Variants in EZH1 observed in about 807,000 individuals in gnomAD.
EZH1 encodes enhancer of zeste 1 polycomb repressive complex 2 subunit, also known as histone-lysine N-methyltransferase EZH1.
In EZH1, 33 loss-of-function variants were observed where a neutral mutation model predicts 100.5. That is an observed-to-expected ratio of 0.33 (90% CI 0.25 to 0.44). The LOEUF is 0.44. Ranked by LOEUF, EZH1 falls within the 20% of genes least tolerant of loss-of-function variation. EZH1 has a pLI of 1.00. For synonymous variants in EZH1, 272 were observed against 313.8 expected, an observed-to-expected ratio of 0.87 and a Z score of 1.41; for missense variants, 475 against 928.4, an observed-to-expected ratio of 0.51 and a Z score of 6.35.
chr17:42,708,930 G>C lies in EZH1; in HGVS notation c.1494-14C>G. 6.2e-7 allele frequency: 1 copy of C among 1,614,154 alleles called. No individual in the cohort carries two copies. Among genetic ancestry groups the C allele is most frequent in the Non-Finnish European group, 8.5e-7 (1 of 1,180,036 alleles). ...GCAGCCCACAATCTGAAAAAGACAG[G>C]AAGGACAGGTCTCAGTCACGGCCCT... is the stretch of plus-strand genomic sequence containing the variant. On this transcript the variant is annotated splice_polypyrimidine_tract_variant and intron_variant, in intron 13 of 20. Coordinates refer to ENST00000428826, the MANE Select transcript of EZH1 (RefSeq NM_001991.5).
Position 42,735,816 on chromosome 17 carries a change from T to C in EZH1, c.-102-4898A>G, listed in dbSNP as rs1017622782. On this transcript the variant is annotated intron_variant, in intron 1 of 20. Coordinates refer to ENST00000428826, the MANE Select transcript of EZH1 (RefSeq NM_001991.5). ...GCCTGACCAACATTGTGAAACCCCA[T>C]CTCTACTAAAAATACAAAATTAGCC... Among the ~76,000 whole-genome samples the C allele has an allele frequency of 2.6e-5, 4 of 152,044 alleles. No homozygotes were observed. The East Asian group carries it at 5.8e-4, about 22-fold the overall frequency.
chr17:42,710,034 C>A, intron 12 of EZH1, 97 bp from the exon 13 acceptor site: 1 of 1,004,022 alleles, frequency 1.0e-6, no homozygotes, highest in Admixed American at 1.8e-5. Flanking sequence ...CTGAGAAACT[C>A]AGGCAGCTGA....
chr17:42,716,444 T>G (rs1210761679), intron 10 of EZH1, among the ~76,000 whole-genome samples: 4 of 152,108 alleles, frequency 2.6e-5, no homozygotes, highest in Non-Finnish European at 5.9e-5. Flanking sequence ...TAGTAAACAG[T>G]TGGGGGAAAA....
Position 42,706,271 on chromosome 17 carries a change from A to T in EZH1, c.1661-86T>A. The T allele has an allele frequency of 1.6e-6, 2 of 1,274,950 alleles. No individual in the cohort carries two copies. Among genetic ancestry groups the T allele is most frequent in the Middle Eastern group, 2.1e-4 (1 of 4,756 alleles). 79.0% of individuals were successfully genotyped at this position (1,274,950 alleles called of 1,614,324 possible). A position where few individuals can be genotyped will look rare whatever the true frequency, so the allele number is the denominator to read the frequency against. On this transcript the variant is annotated intron_variant, in intron 15 of 20. Transcript: ENST00000428826. This position sits in a 1 kb window ranked among gnomAD's most constrained non-coding sequence, Gnocchi z 4.4. ...TGACTCAAGGGACAGCAAAGAAGTA[A>T]ATTTTTTGTGTTCAAGGATGTTTGG...
chr17:42,722,594 C>T (rs138786919), intron 6 of EZH1, among the ~76,000 whole-genome samples: 16 of 145,558 alleles, frequency 1.1e-4, no homozygotes, highest in African/African-American at 3.6e-4. Context: ...CACTGCACTC[C>T]AGCCTGGGCA....
chr17:42,722,133 A>T (rs1335702032), intron 6 of EZH1, among the ~76,000 whole-genome samples: 5 of 134,548 alleles, frequency 3.7e-5, no homozygotes, highest in African/African-American at 1.1e-4. Flanking sequence ...TGGGTGACAC[A>T]GCGAGACTCT....
chr17:42,720,413 A>G lies in EZH1; in HGVS notation c.524T>C (p.Val175Ala). ...CAGGGCATCGACCAACTCCAGAAAA[A>G]CAGCATCACTAATCAGAACGGATCC... The part of the protein sequence containing the change: ...IPGSVLISDA[V>A]FLELVDALNQ... Residue 175 changes from valine (V) to alanine (A), a missense_variant, in exon 7 of 21, where the codon GTT (valine) becomes GCT (alanine). Transcript: ENST00000428826. 6.2e-7 allele frequency: 1 copy of G among 1,613,796 alleles called. No individual in the cohort carries two copies. The highest frequency in any genetic ancestry group is 2.2e-5 in the East Asian group (1 of 44,868).
Position 42,702,544 on chromosome 17 carries a change from G to T in EZH1, c.2232C>A (p.Thr744=). Residue 744 remains threonine (T), a synonymous_variant, in exon 21 of 21, where the codon ACC becomes ACA. Transcript: ENST00000428826. ...GGGCCTGGGAGGGCTAAAGGACGTC[G>T]GTCTCCCTCTCGATCCCCACGTACT... ...ALKYVGIERE[T]DVL The T allele has an allele frequency of 1.3e-6, 2 of 1,564,028 alleles. No homozygotes were observed. The highest frequency in any genetic ancestry group is 1.7e-6 in the Non-Finnish European group (2 of 1,152,576).
In EZH1 at chr17:42,719,170, G is replaced by A; in HGVS notation, c.702C>T (p.Asp234=). ...TTGAGGCAATTGCACTGAAGATCAT[G>A]TCATTTGGGAACTGTTTCTTGGAAC... ...KKSSKKQFPN[D]MIFSAIASMF... Residue 234 remains aspartate (D), a synonymous_variant, in exon 8 of 21, where the codon GAC becomes GAT. Transcript: ENST00000428826. 1 of 1,613,996 alleles carries A rather than the reference G, an allele frequency of 6.2e-7. No individual in the cohort carries two copies. Among genetic ancestry groups the A allele is most frequent in the Non-Finnish European group, 8.5e-7 (1 of 1,179,914 alleles).
Position 42,700,579 on chromosome 17 carries a change from AGTT to A in EZH1, c.*1950_*1952del, listed in dbSNP as rs1374511300. 1 of 152,228 alleles carries A rather than the reference AGTT, an allele frequency of 6.6e-6. No individual in the cohort carries two copies. The highest frequency in any genetic ancestry group is 1.5e-5 in the Non-Finnish European group (1 of 68,014). 9.4% of individuals were successfully genotyped at this position (152,228 alleles called of 1,614,324 possible). A position where few individuals can be genotyped will look rare whatever the true frequency, so the allele number is the denominator to read the frequency against. On this transcript the variant is annotated 3_prime_UTR_variant, in exon 21 of 21. Coordinates refer to ENST00000428826, the MANE Select transcript of EZH1 (RefSeq NM_001991.5). Reference sequence around the variant, plus strand: ...TCTAGTCTCTCAAAGGCTGGTGAAAAGTTTTTTTTCACCTATTCCTCACAGCGA... The same window carrying A: ...TCTAGTCTCTCAAAGGCTGGTGAAAATTTTTTCACCTATTCCTCACAGCGA...
chr17:42,722,449 A>G (rs2053728775), intron 6 of EZH1, among the ~76,000 whole-genome samples: 1 of 151,842 alleles, frequency 6.6e-6, no homozygotes, highest in Non-Finnish European at 1.5e-5. Context: ...ACATGGTGAA[A>G]CCCCATCTCT....
At position 42,712,318 on chromosome 17, in the gene EZH1, T is replaced by G; in HGVS notation, c.1372A>C (p.Arg458=). The change falls in exon 12 of 21, where the codon AGG becomes CGG. Residue 458 remains arginine, a synonymous_variant. Coordinates refer to ENST00000428826, the MANE Select transcript of EZH1 (RefSeq NM_001991.5). ...TTGCACGTCTTGGTCCCCAGAAGCCTGGCTATTGAACAGAAGTTGTTGAAG... is the reference window on the plus strand; with the variant it reads ...TTGCACGTCTTGGTCCCCAGAAGCCGGGCTATTGAACAGAAGTTGTTGAAG... ...TYFNNFCSIA[R]LLGTKTCKQV... is the part of the protein sequence containing the mutation. 1.2e-6 allele frequency: 2 copies of G among 1,614,040 alleles called. No homozygotes were observed. The highest frequency in any genetic ancestry group is 1.7e-6 in the Non-Finnish European group (2 of 1,180,024).
At chr17:42,722,671 T>C (rs1385805054) in intron 6 of EZH1, 124 bp downstream of exon 6, 2 of 865,692 alleles carry the variant, frequency 2.3e-6, no homozygotes, top group East Asian at 2.8e-5. Context: ...TGTGATGACA[T>C]TGAAATATTC....
intron 1 of EZH1, among the ~76,000 whole-genome samples, chr17:42,739,272 T>C (rs1344656796): frequency 2.0e-5 from 3 of 152,166 alleles, no homozygotes; most frequent in African/African-American, 4.8e-5. Flanking sequence ...ATAAAGCACA[T>C]CTCTAATTTA....
In EZH1 at chr17:42,722,254, C is replaced by T. The variant is rs374644436; in HGVS notation, c.487+541G>A. 3.3e-5 allele frequency among the ~76,000 whole-genome samples: 5 copies of T among 149,454 alleles called. No homozygotes were observed. In the East Asian group the frequency reaches 1.0e-3, roughly 30 times the overall value. The stretch of plus-strand genomic sequence containing the variant: ...ATCACTTAAGCCCAGGAGGCTGAGG[C>T]TACAATAAGCTATGATCATGCCACT... On this transcript the variant is annotated intron_variant, in intron 6 of 20. Coordinates refer to ENST00000428826, the MANE Select transcript of EZH1 (RefSeq NM_001991.5).
Position 42,745,003 on chromosome 17 carries a change from T to TC in EZH1, c.-103+7dup. ...CACCGCCCGGCCCAGGCTTGTTTAC[T>TC]CACTCACCCTCCATCCCGAGCCGCG... is the stretch of plus-strand genomic sequence containing the variant. On this transcript the variant is annotated splice_region_variant and intron_variant, in intron 1 of 20. Transcript: ENST00000428826. 1 of 1,274,734 alleles carries TC rather than the reference T, an allele frequency of 7.8e-7. No individual in the cohort carries two copies. The highest frequency in any genetic ancestry group is 1.0e-6 in the Non-Finnish European group (1 of 983,166). 79.0% of individuals were successfully genotyped at this position (1,274,734 alleles called of 1,614,324 possible).
intron 1 of EZH1, chr17:42,731,681 G>A (rs2053951178): frequency 6.6e-6 from 1 of 151,702 alleles, no homozygotes; most frequent in Non-Finnish European, 1.5e-5. Flanking sequence ...GCTGAGGTCA[G>A]GAATTCAAGA....
chr17:42,741,729 C>T (rs2054179516), intron 1 of EZH1, among the ~76,000 whole-genome samples: 2 of 152,142 alleles, frequency 1.3e-5, no homozygotes, highest in African/African-American at 4.8e-5. Context: ...TGCTCTGTTG[C>T]CCAGGCTGGA....
At position 42,704,800 on chromosome 17, in the gene EZH1, T is replaced by C. The variant is rs574433480; in HGVS notation, c.1936-117A>G. The C allele has an allele frequency of 2.5e-4, 193 of 783,090 alleles. 4 individuals carry two copies. In the South Asian group the frequency reaches 3.2e-3, roughly 13 times the overall value. The allele number at this position is 783,090 out of a possible 1,614,324, so 48.5% of individuals were successfully genotyped here. A position where few individuals can be genotyped will look rare whatever the true frequency, so the allele number is the denominator to read the frequency against. On this transcript the variant is annotated intron_variant, in intron 17 of 20. Coordinates refer to ENST00000428826, the MANE Select transcript of EZH1 (RefSeq NM_001991.5). ...CATGGGTGCTTACTGAGCATCATGA[T>C]GAGAATCACAAGAGAGCAAGTTCAA...
Sources: gnomAD v4.1 joint callset for allele counts (sites outside exome capture counted in the v4.1 genomes callset) on GRCh38, gnomAD v4.1.1 for gene constraint, Gnocchi (gnomAD v3.1) non-coding constraint, MANE v1.5 for transcripts, NCBI Gene and HGNC (gene_info 2026-07-23, HGNC 2026-07-21) for gene names.